PRKACB: variants seen among roughly 807,000 people sequenced by gnomAD.
PRKACB encodes protein kinase cAMP-activated catalytic subunit beta, also known as cAMP-dependent protein kinase catalytic subunit beta.
A neutral mutation model predicts 51.4 loss-of-function variants in PRKACB; 16 were observed. The observed-to-expected ratio is 0.31, with a 90% confidence interval of 0.21 to 0.47. PRKACB has a LOEUF of 0.47. Ranked by LOEUF, PRKACB falls within the 20% of genes least tolerant of loss-of-function variation. PRKACB has a pLI of 1.00. For missense variants in PRKACB, 309 were observed against 464.5 expected, an observed-to-expected ratio of 0.67 and a Z score of 3.08; for synonymous variants, 147 against 154.4, an observed-to-expected ratio of 0.95 and a Z score of 0.35.
At chr1:84,212,364 C>T (rs572500378) in intron 8 of PRKACB, among the ~76,000 whole-genome samples, 8 of 147,314 alleles carry the variant, frequency 5.4e-5, no homozygotes, top group African/African-American at 1.9e-4. Context: ...TAGACTAGCA[C>T]AAAAGTGGCA....
intron 1 of PRKACB, chr1:84,086,173 G>A: frequency 1.3e-6 from 2 of 1,599,056 alleles, no homozygotes; most frequent in East Asian, 2.2e-5. Context: ...TGGTGGACAA[G>A]TTTGTGGGCA....
At chr1:84,206,060 A>G (rs999261423) in intron 8 of PRKACB, among the ~76,000 whole-genome samples, 1 of 152,178 alleles carries the variant, frequency 6.6e-6, no homozygotes, top group Non-Finnish European at 1.5e-5. Context: ...GAAATATAGA[A>G]AGTTTATATT....
At chr1:84,105,342 A>G (rs1571596256) in intron 1 of PRKACB, among the ~76,000 whole-genome samples, 1 of 152,100 alleles carries the variant, frequency 6.6e-6, no homozygotes, top group Non-Finnish European at 1.5e-5. Context: ...TTCCTCTTTC[A>G]TGGAAAAGTC....
intron 8 of PRKACB, among the ~76,000 whole-genome samples, chr1:84,203,233 A>G (rs762769441): frequency 6.6e-6 from 1 of 152,056 alleles, no homozygotes; most frequent in Non-Finnish European, 1.5e-5. Context: ...AAGTAAATAT[A>G]AAATGAATAA....
At chr1:84,202,065 C>T (rs1670273993) in intron 7 of PRKACB, among the ~76,000 whole-genome samples, 1 of 151,942 alleles carries the variant, frequency 6.6e-6, no homozygotes, top group African/African-American at 2.4e-5. Flanking sequence ...ATATAGGAAG[C>T]AAGACAGTAG....
chr1:84,132,232 C>A (rs1462263382), intron 1 of PRKACB, among the ~76,000 whole-genome samples: 1 of 152,120 alleles, frequency 6.6e-6, no homozygotes, highest in African/African-American at 2.4e-5. Flanking sequence ...ACCAACAGAG[C>A]TCTGGTATAA....
At chr1:84,227,094 A>G (rs1033009037) in intron 9 of PRKACB, among the ~76,000 whole-genome samples, 3 of 152,136 alleles carry the variant, frequency 2.0e-5, no homozygotes, top group Non-Finnish European at 4.4e-5. Flanking sequence ...TTACTTCTGT[A>G]GTCATAAGTT....
chr1:84,199,856 A>ATTTG (rs1164034684), intron 7 of PRKACB, among the ~76,000 whole-genome samples: 6 of 150,760 alleles, frequency 4.0e-5, no homozygotes, highest in Admixed American at 1.3e-4. Context: ...TTATTTATTT[A>ATTTG]TTTTCTGGAG....
intron 1 of PRKACB, among the ~76,000 whole-genome samples, chr1:84,081,106 T>C (rs1281579949): frequency 2.0e-5 from 3 of 152,166 alleles, no homozygotes; most frequent in Admixed American, 6.5e-5. Flanking sequence ...ATTAAAAATA[T>C]CAAGTCAGTT....
rs148489326 is a variant in PRKACB, at chr1:84,235,494, A to T, written c.*189A>T. On this transcript the variant is annotated 3_prime_UTR_variant, in exon 10 of 10. Transcript: ENST00000370685. Reference sequence around the variant, plus strand: ...CCTATGTAACAAGGCACCGCTAAGCAAGCATTGTCTGTGCCATAACACAGT... The same window carrying T: ...CCTATGTAACAAGGCACCGCTAAGCTAGCATTGTCTGTGCCATAACACAGT... The T allele has an allele frequency of 3.2e-5, 21 of 660,954 alleles. No individual in the cohort carries two copies. In the East Asian group the frequency reaches 5.5e-4, roughly 17 times the overall value. 40.9% of individuals were successfully genotyped at this position (660,954 alleles called of 1,614,324 possible). A position where few individuals can be genotyped will look rare whatever the true frequency, so the allele number is the denominator to read the frequency against.
chr1:84,127,289 G>T (rs1025947741), intron 1 of PRKACB, among the ~76,000 whole-genome samples: 2 of 152,066 alleles, frequency 1.3e-5, no homozygotes, highest in South Asian at 4.1e-4. Context: ...TAAAATAGCT[G>T]TATGTAATTT....
At chr1:84,203,465 G>A (rs1253321483) in intron 8 of PRKACB, among the ~76,000 whole-genome samples, 1 of 151,814 alleles carries the variant, frequency 6.6e-6, no homozygotes. Flanking sequence ...AGAGTGTTTT[G>A]TTTAGGGTCA....
intron 1 of PRKACB, among the ~76,000 whole-genome samples, chr1:84,128,911 A>G (rs1651902380): frequency 6.6e-6 from 1 of 152,224 alleles, no homozygotes. Context: ...ACTTGAAATC[A>G]TGGCTCATGT....
chr1:84,191,289 T>G (rs1666721493), intron 5 of PRKACB, among the ~76,000 whole-genome samples: 1 of 152,090 alleles, frequency 6.6e-6, no homozygotes, highest in African/African-American at 2.4e-5. Flanking sequence ...TGCAGCTTAA[T>G]TTAGTGGGAT....
intron 5 of PRKACB, among the ~76,000 whole-genome samples, chr1:84,195,769 C>T (rs1222965898): frequency 6.6e-6 from 1 of 151,750 alleles, no homozygotes; most frequent in Non-Finnish European, 1.5e-5. Flanking sequence ...AAAAATTAGC[C>T]GGGCATGGTG....
intron 7 of PRKACB, among the ~76,000 whole-genome samples, chr1:84,198,923 G>A (rs1163901109): frequency 6.9e-6 from 1 of 144,396 alleles, no homozygotes; most frequent in Non-Finnish European, 1.5e-5. Flanking sequence ...TGGTGTGTGT[G>A]TATATATGTA....
At chr1:84,087,553 T>C (rs1041169934) in intron 1 of PRKACB, among the ~76,000 whole-genome samples, 4 of 152,262 alleles carry the variant, frequency 2.6e-5, no homozygotes, top group African/African-American at 9.6e-5. Context: ...CTCTTTAAAA[T>C]AATTTTTTAT....
intron 8 of PRKACB, among the ~76,000 whole-genome samples, chr1:84,211,146 C>T (rs1279591323): frequency 2.0e-5 from 3 of 151,976 alleles, no homozygotes; most frequent in African/African-American, 7.2e-5. Flanking sequence ...CACACACACA[C>T]ACACACACAC....
At chr1:84,202,055 A>C (rs528813249) in intron 7 of PRKACB, among the ~76,000 whole-genome samples, 1 of 152,016 alleles carries the variant, frequency 6.6e-6, no homozygotes, top group Non-Finnish European at 1.5e-5. Flanking sequence ...TATCTTTTAG[A>C]TATAGGAAGC....
Sources: gnomAD v4.1 joint callset for allele counts (sites outside exome capture counted in the v4.1 genomes callset) on GRCh38, gnomAD v4.1.1 for gene constraint, MANE v1.5 for transcripts, NCBI Gene and HGNC (gene_info 2026-07-23, HGNC 2026-07-21) for gene names.